NT5DC1: variants seen among roughly 807,000 people sequenced by gnomAD.
NT5DC1 encodes 5'-nucleotidase domain containing 1.
A neutral mutation model predicts 59.4 loss-of-function variants in NT5DC1; 42 were observed. The ratio of observed to expected loss-of-function variants is 0.71; its 90% CI spans 0.55 to 0.92. NT5DC1 has a LOEUF of 0.92. NT5DC1 is among the 40% of genes least tolerant of loss of function. The probability of loss-of-function intolerance (pLI) is 0.00; values close to 1 mark genes in which losing one functional copy is unlikely to be tolerated. For missense variants in NT5DC1, 501 were observed against 537.1 expected (o/e 0.93, Z 0.66); for synonymous variants, 172 against 188.1 (o/e 0.91, Z 0.70).
At chr6:116,105,775 G>A (rs1778754739) in intron 1 of NT5DC1, among the ~76,000 whole-genome samples, 1 of 151,758 alleles carries the variant, frequency 6.6e-6, no homozygotes, top group Non-Finnish European at 1.5e-5. Flanking sequence ...AAACAAGAGT[G>A]ATTACCTGTA....
intron 11 of NT5DC1, 75 bp from the exon 12 acceptor site, chr6:116,243,834 A>C: frequency 1.7e-6 from 1 of 599,876 alleles, no homozygotes; most frequent in Non-Finnish European, 3.0e-6. Flanking sequence ...TTTATTAGTG[A>C]ATATCAAGTT....
chr6:116,162,799 T>G (rs1780365218), intron 6 of NT5DC1, among the ~76,000 whole-genome samples: 1 of 152,126 alleles, frequency 6.6e-6, no homozygotes, highest in Admixed American at 6.5e-5. Flanking sequence ...AGAATGAGTT[T>G]AGGAGGAATT....
At chr6:116,105,556 T>C (rs1193688877) in intron 1 of NT5DC1, among the ~76,000 whole-genome samples, 2 of 152,180 alleles carry the variant, frequency 1.3e-5, no homozygotes, top group Non-Finnish European at 2.9e-5. Context: ...TTTTGTTTGG[T>C]ATGTACAGTT....
At chr6:116,167,772 C>T (rs1007174465) in intron 6 of NT5DC1, among the ~76,000 whole-genome samples, 4 of 152,034 alleles carry the variant, frequency 2.6e-5, no homozygotes, top group Admixed American at 6.5e-5. Context: ...GTTGCATAGC[C>T]CTCAAGTTGT....
At chr6:116,125,945 T>A (rs1452900591) in intron 6 of NT5DC1, 3 of 158,530 alleles carry the variant, frequency 1.9e-5, no homozygotes, top group Admixed American at 6.3e-5. Context: ...ACCCATTTTT[T>A]AAATCACTTT....
In NT5DC1 at chr6:116,188,570, A is replaced by G. The variant is rs1582862892; in HGVS notation, c.530-32484A>G. Among the ~76,000 whole-genome samples the G allele has an allele frequency of 2.0e-5, 3 of 152,074 alleles. No homozygotes were observed. The East Asian group carries it at 5.8e-4, about 29-fold the overall frequency. ...TATTCTATGGTTGCATTTATAAAAT[A>G]GATATTAAAATGGGTTACACTAGAG... On this transcript the variant is annotated intron_variant, in intron 6 of 11. Coordinates refer to ENST00000319550, the MANE Select transcript of NT5DC1 (RefSeq NM_152729.3).
intron 8 of NT5DC1, among the ~76,000 whole-genome samples, chr6:116,225,108 A>G (rs1300146254): frequency 1.3e-5 from 2 of 152,226 alleles, no homozygotes; most frequent in Non-Finnish European, 2.9e-5. Flanking sequence ...GCAAGTGAGT[A>G]GATGGTGGTA....
intron 11 of NT5DC1, among the ~76,000 whole-genome samples, chr6:116,242,604 C>A (rs1204823): frequency 0.75 from 114,218 of 151,972 alleles, 44,407 homozygotes; most frequent in East Asian, 1. Context: ...GTTCTCAGAA[C>A]TATATAACTG....
At chr6:116,161,986 G>A (rs1780345132) in intron 6 of NT5DC1, among the ~76,000 whole-genome samples, 1 of 152,044 alleles carries the variant, frequency 6.6e-6, no homozygotes, top group African/African-American at 2.4e-5. Flanking sequence ...TTGTAAATGG[G>A]ATTTTCACCA....
At chr6:116,226,534 A>G (rs1247877703) in intron 8 of NT5DC1, among the ~76,000 whole-genome samples, 1 of 152,096 alleles carries the variant, frequency 6.6e-6, no homozygotes, top group Non-Finnish European at 1.5e-5. Context: ...TTTTTAAAAA[A>G]CGATTACTTT....
chr6:116,201,471 A>T (rs1378106033), intron 6 of NT5DC1, among the ~76,000 whole-genome samples: 1 of 152,016 alleles, frequency 6.6e-6, no homozygotes, highest in Non-Finnish European at 1.5e-5. Context: ...TGACCAATCA[A>T]ATTTCCCTAA....
At chr6:116,192,045 C>T (rs1781130324) in intron 6 of NT5DC1, among the ~76,000 whole-genome samples, 1 of 151,958 alleles carries the variant, frequency 6.6e-6, no homozygotes, top group South Asian at 2.1e-4. Flanking sequence ...CCCGTTAGCC[C>T]ATTACTTAGG....
chr6:116,137,753 C>T (rs898163527), intron 6 of NT5DC1, among the ~76,000 whole-genome samples: 1 of 152,040 alleles, frequency 6.6e-6, no homozygotes, highest in South Asian at 2.1e-4. Flanking sequence ...TATGGAAAAC[C>T]AGTTATCTTT....
intron 6 of NT5DC1, among the ~76,000 whole-genome samples, chr6:116,208,845 G>C (rs146366035): frequency 6.6e-6 from 1 of 151,980 alleles, no homozygotes; most frequent in Non-Finnish European, 1.5e-5. Flanking sequence ...AGAGATGGCA[G>C]AGTAAAGAGA....
At position 116,244,061 on chromosome 6, in the gene NT5DC1, A is replaced by G. The variant is rs1447271564; in HGVS notation, c.*37A>G. The G allele has an allele frequency of 7.5e-6, 6 of 795,652 alleles. No individual in the cohort carries two copies. The highest frequency in any genetic ancestry group is 1.0e-5 in the Non-Finnish European group (5 of 486,788). The allele number at this position is 795,652 out of a possible 1,614,324, so 49.3% of individuals were successfully genotyped here. ...TGAAAAATGAAGTGAAGACCCATAT[A>G]TGCAGTTAAAAAAAAGTTAATTTTC... On this transcript the variant is annotated 3_prime_UTR_variant, in exon 12 of 12. Transcript: ENST00000319550.
At chr6:116,161,801 T>G (rs757854439) in intron 6 of NT5DC1, among the ~76,000 whole-genome samples, 22 of 152,202 alleles carry the variant, frequency 1.4e-4, no homozygotes, top group Non-Finnish European at 2.4e-4. Context: ...TGCATTGACT[T>G]TCTAGATTGC....
At chr6:116,207,916 A>G (rs1033439713) in intron 6 of NT5DC1, among the ~76,000 whole-genome samples, 3 of 151,888 alleles carry the variant, frequency 2.0e-5, no homozygotes, top group African/African-American at 7.2e-5. Flanking sequence ...TTGATTTGGG[A>G]GCTGAGTTTA....
rs2114536737 is a variant in NT5DC1 at position 116,218,172 on chromosome 6, T to C, written c.530-2882T>C. Reference sequence around the variant, plus strand: ...CTCTTTTGAATCAGACATTATTAATTGAGATACTAATGCAATTAACCTAGG... The same window carrying C: ...CTCTTTTGAATCAGACATTATTAATCGAGATACTAATGCAATTAACCTAGG... On this transcript the variant is annotated intron_variant, in intron 6 of 11. Coordinates refer to ENST00000319550, the MANE Select transcript of NT5DC1 (RefSeq NM_152729.3). Among the ~76,000 whole-genome samples the C allele has an allele frequency of 2.0e-5, 3 of 152,266 alleles. No individual in the cohort carries two copies. In the East Asian group the frequency reaches 5.8e-4, roughly 29 times the overall value.
At chr6:116,229,800 T>G (rs180827791) in intron 8 of NT5DC1, among the ~76,000 whole-genome samples, 1 of 152,096 alleles carries the variant, frequency 6.6e-6, no homozygotes, top group Non-Finnish European at 1.5e-5. Context: ...CTCCTCTCTC[T>G]CTCTCTGTCT....
Sources: allele counts gnomAD v4.1 joint callset (sites outside exome capture counted in the v4.1 genomes callset), GRCh38; gene constraint gnomAD v4.1.1; transcripts MANE v1.5; gene names NCBI Gene and HGNC (gene_info 2026-07-23, HGNC 2026-07-21).